PARD3B: variants seen among roughly 807,000 people sequenced by gnomAD.
The protein encoded by PARD3B is par-3 family cell polarity regulator beta.
Under a neutral mutation model 130.2 loss-of-function variants are expected in PARD3B, and 103 were observed. The ratio of observed to expected loss-of-function variants is 0.79; its 90% CI spans 0.67 to 0.93. PARD3B has a LOEUF of 0.93. Among genes scored for constraint, PARD3B ranks in the 40% least tolerant of loss-of-function variants. PARD3B has a pLI of 0.00. For synonymous variants in PARD3B, 583 were observed against 553.2 expected (o/e 1.05, Z -0.76); for missense variants, 1,609 against 1,499.2 (o/e 1.07, Z -1.21).
chr2:205,494,476 G>A (rs1016549323), intron 20 of PARD3B, among the ~76,000 whole-genome samples: 5 of 152,126 alleles, frequency 3.3e-5, no homozygotes, highest in South Asian at 4.2e-4. Context: ...ACCCCATTCC[G>A]TTTTATACCA....
chr2:204,732,029 C>T (rs1440566627), intron 2 of PARD3B, among the ~76,000 whole-genome samples: 1 of 151,142 alleles, frequency 6.6e-6, no homozygotes, highest in Non-Finnish European at 1.5e-5. Context: ...TCCTGTTTGT[C>T]TACGAATTTA....
intron 2 of PARD3B, among the ~76,000 whole-genome samples, chr2:204,883,406 T>A (rs1480763969): frequency 1.1e-4 from 11 of 101,766 alleles, no homozygotes; most frequent in Non-Finnish European, 1.5e-4. Flanking sequence ...ATATATATAT[T>A]ATATATATAT....
chr2:205,182,015 G>A (rs185138688), intron 13 of PARD3B, among the ~76,000 whole-genome samples: 7 of 152,284 alleles, frequency 4.6e-5, no homozygotes, highest in East Asian at 3.9e-4. Flanking sequence ...ACAAGGGGCC[G>A]GGTGTGGTGG....
chr2:205,310,083 C>CT (rs34247571), intron 18 of PARD3B, among the ~76,000 whole-genome samples: 14,427 of 124,274 alleles, frequency 0.12, 1,631 homozygotes, highest in African/African-American at 0.26. Context: ...AAAATCTACT[C>CT]TTTTTTTTTT....
intron 18 of PARD3B, among the ~76,000 whole-genome samples, chr2:205,368,436 C>T (rs1237017961): frequency 6.6e-6 from 1 of 152,016 alleles, no homozygotes; most frequent in Non-Finnish European, 1.5e-5. Context: ...AGTTTAAGAC[C>T]AGCCTGGCCA....
Position 204,683,350 on chromosome 2 carries a change from A to G in PARD3B, c.121-2831A>G, listed in dbSNP as rs76744273. Among the ~76,000 whole-genome samples, 1,269 of 152,316 alleles carry G rather than the reference A, an allele frequency of 8.3e-3. 10 individuals carry two copies. Among genetic ancestry groups the G allele is most frequent in the African/African-American group, 0.028 (1,168 of 41,574 alleles). ...ATAGTAATTTTTTCCCAGTGACAGT[A>G]TGAACCAGAACACATATGTGAACAC... is the stretch of plus-strand genomic sequence containing the variant. On this transcript the variant is annotated intron_variant, in intron 1 of 22. Coordinates refer to ENST00000406610, the MANE Select transcript of PARD3B (RefSeq NM_001302769.2).
At chr2:204,746,634 C>T (rs1026210959) in intron 2 of PARD3B, among the ~76,000 whole-genome samples, 23 of 152,152 alleles carry the variant, frequency 1.5e-4, no homozygotes, top group African/African-American at 5.3e-4. Flanking sequence ...ACATCCTCTC[C>T]AGCACCTGTT....
At chr2:205,194,950 A>ATTTTTTTTTTTTTTTT (rs56836818) in intron 15 of PARD3B, among the ~76,000 whole-genome samples, 1 of 111,224 alleles carries the variant, frequency 9.0e-6, no homozygotes, top group African/African-American at 3.6e-5. Context: ...CGCCAGGCTA[A>ATTTTTTTTTTTTTTTT]TTTTTTTTTT....
At chr2:204,636,910 A>T (rs940089411) in intron 1 of PARD3B, among the ~76,000 whole-genome samples, 1 of 152,168 alleles carries the variant, frequency 6.6e-6, no homozygotes, top group Non-Finnish European at 1.5e-5. Flanking sequence ...CAGTATCTTC[A>T]TATATAGACT....
chr2:204,872,864 T>A (rs2125650986), intron 2 of PARD3B, among the ~76,000 whole-genome samples: 1 of 152,334 alleles, frequency 6.6e-6, no homozygotes, highest in East Asian at 1.9e-4. Flanking sequence ...GTGAATTGTA[T>A]CCTTTTAAAC....
intron 2 of PARD3B, among the ~76,000 whole-genome samples, chr2:204,947,155 C>T (rs547752021): frequency 9.9e-5 from 15 of 152,174 alleles, no homozygotes; most frequent in African/African-American, 3.6e-4. Flanking sequence ...CAAATTAACG[C>T]GTAACATTAA....
At chr2:204,822,177 C>T (rs1386670505) in intron 2 of PARD3B, among the ~76,000 whole-genome samples, 2 of 152,154 alleles carry the variant, frequency 1.3e-5, no homozygotes, top group East Asian at 3.9e-4. Context: ...TTCTAACCCT[C>T]CTGGGTGACT....
intron 2 of PARD3B, among the ~76,000 whole-genome samples, chr2:204,766,661 T>C (rs1416221340): frequency 6.6e-6 from 1 of 151,836 alleles, no homozygotes; most frequent in African/African-American, 2.4e-5. Context: ...CTCATAACAA[T>C]GAAATGCAGA....
chr2:205,454,275 C>T (rs1237068356), intron 20 of PARD3B, among the ~76,000 whole-genome samples: 1 of 152,070 alleles, frequency 6.6e-6, no homozygotes, highest in East Asian at 1.9e-4. Flanking sequence ...AAAGTGCCCT[C>T]CTTATAATTT....
At chr2:205,126,659 T>C (rs936693151) in intron 10 of PARD3B, among the ~76,000 whole-genome samples, 1 of 142,292 alleles carries the variant, frequency 7.0e-6, no homozygotes, top group African/African-American at 2.6e-5. Context: ...GGCAGGAGAA[T>C]GGCGTGAACC....
rs2053009479 is a variant in PARD3B at position 205,558,738 on chromosome 2, C to G, written c.3260+5335C>G. On this transcript the variant is annotated intron_variant, in intron 22 of 22. Coordinates refer to ENST00000406610, the MANE Select transcript of PARD3B (RefSeq NM_001302769.2). This position sits in a 1 kb window ranked among gnomAD's most constrained non-coding sequence, Gnocchi z 4.8. ...CTATGATGATTCCAAAAGTACCTGC[C>G]TAACATTCATGTCCCACTCTTGTGA... Among the ~76,000 whole-genome samples, 2 of 152,190 alleles carry G rather than the reference C, an allele frequency of 1.3e-5. No homozygotes were observed. Among genetic ancestry groups the G allele is most frequent in the African/African-American group, 4.8e-5 (2 of 41,438 alleles).
chr2:205,054,407 TA>T (rs1699455854), intron 4 of PARD3B, among the ~76,000 whole-genome samples: 1 of 30,000 alleles, frequency 3.3e-5, no homozygotes, highest in South Asian at 2.5e-3. Flanking sequence ...ATGTCTTTTA[TA>T]TATATATATA....
Position 204,737,624 on chromosome 2 carries a change from G to T in PARD3B, c.222+51342G>T, listed in dbSNP as rs148708974. ...TTTGTTTTTGTTGCATTTGCTTTTG[G>T]GATCTTAGTCATGAATTCTTTGCCT... On this transcript the variant is annotated intron_variant, in intron 2 of 22. Transcript: ENST00000406610. 1.1e-3 allele frequency among the ~76,000 whole-genome samples: 165 copies of T among 152,164 alleles called. 1 individual carries two copies. Among genetic ancestry groups the T allele is most frequent in the African/African-American group, 3.5e-3 (144 of 41,514 alleles).
chr2:204,612,117 G>A (rs1384511067), intron 1 of PARD3B, among the ~76,000 whole-genome samples: 1 of 152,160 alleles, frequency 6.6e-6, no homozygotes, highest in Non-Finnish European at 1.5e-5. Context: ...TTATTTATAG[G>A]AGTATGTGCA....
Sources: allele counts gnomAD v4.1 joint callset (sites outside exome capture counted in the v4.1 genomes callset), GRCh38; gene constraint gnomAD v4.1.1; non-coding constraint Gnocchi (gnomAD v3.1); transcripts MANE v1.5; gene names NCBI Gene and HGNC (gene_info 2026-07-23, HGNC 2026-07-21).